The following DCAF16 variants were observed in gnomAD, a reference collection of about 807,000 sequenced individuals.
DCAF16 encodes DDB1- and CUL4-associated factor 16.
A neutral mutation model predicts 17.3 loss-of-function variants in DCAF16; 10 were observed. The observed-to-expected ratio is 0.58, with a 90% confidence interval of 0.36 to 0.98. The LOEUF is 0.98. DCAF16 is among the 50% of genes least tolerant of loss of function. DCAF16 has a pLI of 0.01. For missense variants in DCAF16, 249 were observed against 247.6 expected (o/e 1.01, Z -0.04); for synonymous variants, 111 against 92.8 (o/e 1.20, Z -1.12).
Position 17,805,084 on chromosome 4 carries a change from GTTTTTTTTTT to G in DCAF16, c.-631+13_-631+22del, listed in dbSNP as rs74667233. 1 of 128,470 alleles carries G rather than the reference GTTTTTTTTTT, an allele frequency of 7.8e-6. No individual in the cohort carries two copies. Among genetic ancestry groups the G allele is most frequent in the Non-Finnish European group, 1.7e-5 (1 of 59,918 alleles). The allele number at this position is 128,470 out of a possible 1,614,324, so 8.0% of individuals were successfully genotyped here. On this transcript the variant is annotated intron_variant, in intron 2 of 2. Transcript: ENST00000382247. ...AAACTCCAAATAGAGAGCTATAAAA[GTTTTTTTTTT>G]TTTTTTTTTTACCTTCAGAGGTGCT...
At chr4:17,795,048 G>A in the DCAF16 span, among the ~76,000 whole-genome samples, 2 of 152,128 alleles carry the variant, frequency 1.3e-5, no homozygotes, top group African/African-American at 4.8e-5. Flanking sequence ...CCTCCAAGTG[G>A]CTTCCTAAGA....
chr4:17,807,365 T>C (rs911323575), intron 1 of DCAF16, among the ~76,000 whole-genome samples: 1 of 152,020 alleles, frequency 6.6e-6, no homozygotes, highest in African/African-American at 2.4e-5. Context: ...GAAGAGAAAA[T>C]CCCAAGGCAT....
chr4:17,798,906 T>C (rs1260987961), downstream of DCAF16, among the ~76,000 whole-genome samples: 2 of 152,216 alleles, frequency 1.3e-5, no homozygotes, highest in Admixed American at 1.3e-4. Context: ...CAACAGCAAG[T>C]TGACATAGAA....
chr4:17,794,944 C>T, the DCAF16 span, among the ~76,000 whole-genome samples: 4 of 152,210 alleles, frequency 2.6e-5, no homozygotes, highest in African/African-American at 9.6e-5. Context: ...ACACAGTAGT[C>T]ATCCTGGGAC....
chr4:17,794,875 T>C, the DCAF16 span, among the ~76,000 whole-genome samples: 1 of 152,230 alleles, frequency 6.6e-6, no homozygotes, highest in Non-Finnish European at 1.5e-5. Context: ...TGTACTCAAA[T>C]ACTTTGTTCC....
downstream of DCAF16, among the ~76,000 whole-genome samples, chr4:17,796,650 T>G (rs536718291): frequency 6.6e-6 from 1 of 152,160 alleles, no homozygotes; most frequent in Non-Finnish European, 1.5e-5. Flanking sequence ...GAGATTGCAG[T>G]GAGCCGAGAT....
intron 1 of DCAF16, among the ~76,000 whole-genome samples, chr4:17,805,614 C>A (rs770596610): frequency 6.6e-6 from 1 of 152,072 alleles, no homozygotes; most frequent in African/African-American, 2.4e-5. Flanking sequence ...GGTTATCTAC[C>A]AAAATCTTTA....
chr4:17,800,723 T>C lies in DCAF16; in HGVS notation c.*2768A>G, dbSNP rs149506136. ...GGGAAAGGCTTCCTTTCGAAGTGAATAGCAAAAATGCATTCATGAGCAAGG... is the reference window on the plus strand; with the variant it reads ...GGGAAAGGCTTCCTTTCGAAGTGAACAGCAAAAATGCATTCATGAGCAAGG... On this transcript the variant is annotated 3_prime_UTR_variant, in exon 3 of 3. Transcript: ENST00000382247. The C allele has an allele frequency of 3.8e-3, 582 of 152,728 alleles. 4 individuals are homozygous for C. Among genetic ancestry groups the C allele is most frequent in the South Asian group, 7.0e-3 (34 of 4,828 alleles). 9.5% of individuals were successfully genotyped at this position (152,728 alleles called of 1,614,324 possible).
chr4:17,797,131 A>G (rs931124554), downstream of DCAF16, among the ~76,000 whole-genome samples: 5 of 152,138 alleles, frequency 3.3e-5, no homozygotes, highest in African/African-American at 9.7e-5. Flanking sequence ...GCTCCTGGCT[A>G]CTAGTCAATT....
At chr4:17,799,057 G>C (rs1245956382), downstream of DCAF16, among the ~76,000 whole-genome samples, 1 of 152,150 alleles carries the variant, frequency 6.6e-6, no homozygotes, top group African/African-American at 2.4e-5. Context: ...ATATGTCCTA[G>C]CTACCTGAGC....
downstream of DCAF16, among the ~76,000 whole-genome samples, chr4:17,797,749 A>G (rs944922508): frequency 1.3e-5 from 2 of 152,340 alleles, no homozygotes; most frequent in African/African-American, 4.8e-5. Flanking sequence ...GAAGATGGCC[A>G]TGCCCTTGGG....
rs148574387 is a variant in DCAF16, at chr4:17,807,237, A to G, written c.-749-2012T>C. Among the ~76,000 whole-genome samples the G allele has an allele frequency of 6.7e-3, 1,025 of 152,374 alleles. 16 individuals carry two copies. The highest frequency in any genetic ancestry group is 0.024 in the African/African-American group (987 of 41,590). Reference sequence around the variant, plus strand: ...ACCAGACCAAAAAATGAATTTAATCACATCACAATTAATCATTTCTGGACT... The same window carrying G: ...ACCAGACCAAAAAATGAATTTAATCGCATCACAATTAATCATTTCTGGACT... On this transcript the variant is annotated intron_variant, in intron 1 of 2. Transcript: ENST00000382247.
At chr4:17,806,709 A>C (rs1720360204) in intron 1 of DCAF16, among the ~76,000 whole-genome samples, 1 of 152,230 alleles carries the variant, frequency 6.6e-6, no homozygotes, top group African/African-American at 2.4e-5. Flanking sequence ...TAGAAAGAAT[A>C]AAATTCCACA....
chr4:17,804,235 A>G lies in DCAF16; in HGVS notation c.-94T>C, dbSNP rs775532979. 18 of 1,073,364 alleles carry G rather than the reference A, an allele frequency of 1.7e-5. No individual in the cohort carries two copies. Among genetic ancestry groups the G allele is most frequent in the Non-Finnish European group, 2.3e-5 (17 of 739,210 alleles). The allele number at this position is 1,073,364 out of a possible 1,614,324, so 66.5% of individuals were successfully genotyped here. A position where few individuals can be genotyped will look rare whatever the true frequency, so the allele number is the denominator to read the frequency against. ...GGCAAATAGAAATAAGAGATGAAAA[A>G]TCCTTTCACCAAGATTAATTTGTCT... is the stretch of plus-strand genomic sequence containing the variant. On this transcript the variant is annotated 5_prime_UTR_variant, in exon 3 of 3. Transcript: ENST00000382247.
At position 17,804,078 on chromosome 4, in the gene DCAF16, T is replaced by G. The variant is rs184417488; in HGVS notation, c.64A>C (p.Ile22Leu). ...CCAGAACTCTCATTTAGGTAACTAA[T>G]ATTTTCTTCTTCCTCACTTTCTGAT... The part of the protein sequence containing the change: ...SESESEEEEN[I>L]SYLNESSGEE... The change falls in exon 3 of 3, where the codon ATT (isoleucine) becomes CTT (leucine). Residue 22 changes from isoleucine to leucine, a missense_variant. Transcript: ENST00000382247. The G allele has an allele frequency of 3.1e-6, 5 of 1,614,146 alleles. No individual in the cohort carries two copies. In the Admixed American group the frequency reaches 6.7e-5, roughly 22 times the overall value.
downstream of DCAF16, among the ~76,000 whole-genome samples, chr4:17,800,069 G>A (rs1005864350): frequency 2.0e-5 from 3 of 151,380 alleles, no homozygotes; most frequent in African/African-American, 4.9e-5. Context: ...GCTTGAACCC[G>A]GGAGGTGGAG....
Position 17,803,519 on chromosome 4 carries a change from A to C in DCAF16, c.623T>G (p.Val208Gly). 6.2e-7 allele frequency: 1 copy of C among 1,614,108 alleles called. No individual in the cohort carries two copies. Among genetic ancestry groups the C allele is most frequent in the Non-Finnish European group, 8.5e-7 (1 of 1,179,936 alleles). The change falls in exon 3 of 3, where the codon GTT becomes GGT. Residue 208 changes from valine to glycine, a missense_variant. Coordinates refer to ENST00000382247, the MANE Select transcript of DCAF16 (RefSeq NM_017741.4). ...CAGTGATGCAGTTAGGAGTTTGTTA[A>C]CTGCCTTTTGGAAGTCAGTGTAAGA... ...TYSYTDFQKA[V>G]NKLLTASL
At chr4:17,806,305 T>C (rs1016617802) in intron 1 of DCAF16, among the ~76,000 whole-genome samples, 10 of 152,228 alleles carry the variant, frequency 6.6e-5, no homozygotes, top group Non-Finnish European at 5.9e-5. Flanking sequence ...ACCCTAAAAG[T>C]TGGTACTTTT....
chr4:17,798,471 T>C (rs1361671253), downstream of DCAF16, among the ~76,000 whole-genome samples: 1 of 152,002 alleles, frequency 6.6e-6, no homozygotes, highest in East Asian at 1.9e-4. Flanking sequence ...GGTGTGCACC[T>C]GTAGTCCACA....
Sources: gnomAD v4.1 joint callset for allele counts (sites outside exome capture counted in the v4.1 genomes callset) on GRCh38, gnomAD v4.1.1 for gene constraint, MANE v1.5 for transcripts, NCBI Gene and HGNC (gene_info 2026-07-23, HGNC 2026-07-21) for gene names.